The following CELF2 variants were observed in gnomAD, a reference collection of about 807,000 sequenced individuals.
CELF2 encodes the protein CUG triplet repeat RNA-binding protein 2.
Under a neutral mutation model 62.6 loss-of-function variants are expected in CELF2, and 8 were observed. The observed-to-expected ratio is 0.13, with a 90% CI of 0.07 to 0.23. The LOEUF is 0.23. Among genes scored for constraint, CELF2 ranks in the 10% least tolerant of loss-of-function variants. The pLI, the probability that CELF2 is intolerant of heterozygous loss-of-function variation, is 1.00. For missense variants in CELF2, 333 were observed against 671.0 expected, an observed-to-expected ratio of 0.50 and a Z score of 5.56; for synonymous variants, 258 against 250.0, an observed-to-expected ratio of 1.03 and a Z score of -0.30.
intron 2 of CELF2, among the ~76,000 whole-genome samples, chr10:10,986,062 G>C (rs530029906): frequency 6.6e-6 from 1 of 152,196 alleles, no homozygotes; most frequent in South Asian, 2.1e-4. Flanking sequence ...TTATCTATTT[G>C]TCTCCCAAGC....
intron 1 of CELF2, among the ~76,000 whole-genome samples, chr10:11,143,112 C>T (rs1222528279): frequency 1.3e-5 from 2 of 152,146 alleles, no homozygotes; most frequent in Non-Finnish European, 2.9e-5. Context: ...TCGCTCCCCT[C>T]GTGCTTCTTC....
At chr10:10,587,118 T>A in the CELF2 span, among the ~76,000 whole-genome samples, 1 of 152,144 alleles carries the variant, frequency 6.6e-6, no homozygotes. Flanking sequence ...AACCACTTTG[T>A]CATGCTACTA....
chr10:10,906,773 C>T (rs1367382286), intron 1 of CELF2, among the ~76,000 whole-genome samples: 14 of 120,574 alleles, frequency 1.2e-4, no homozygotes, highest in Admixed American at 2.5e-4. Context: ...GGCTGTAGTG[C>T]GGGGGCGCAA....
the CELF2 span, among the ~76,000 whole-genome samples, chr10:10,742,366 T>G: frequency 6.6e-6 from 1 of 152,180 alleles, no homozygotes; most frequent in Non-Finnish European, 1.5e-5. Flanking sequence ...CTGTGGTTCA[T>G]GCCTATTATC....
chr10:11,291,049 C>T (rs1051577584), intron 9 of CELF2, among the ~76,000 whole-genome samples: 4 of 152,142 alleles, frequency 2.6e-5, no homozygotes, highest in African/African-American at 9.7e-5. Context: ...GGGTTGAAAG[C>T]CATTCCCAAG....
the CELF2 span, among the ~76,000 whole-genome samples, chr10:10,695,253 C>A: frequency 6.9e-6 from 1 of 145,320 alleles, no homozygotes; most frequent in Non-Finnish European, 1.5e-5. Flanking sequence ...TTTTATTTCT[C>A]CTTCGCTTAT....
At chr10:10,683,115 G>A in the CELF2 span, among the ~76,000 whole-genome samples, 1 of 152,062 alleles carries the variant, frequency 6.6e-6, no homozygotes, top group Non-Finnish European at 1.5e-5. Context: ...AATTTAACAC[G>A]GGACATTTTC....
At chr10:11,235,691 A>G (rs542154932) in intron 3 of CELF2, among the ~76,000 whole-genome samples, 10 of 152,336 alleles carry the variant, frequency 6.6e-5, no homozygotes, top group African/African-American at 2.2e-4. Flanking sequence ...GCTGAAAACA[A>G]TATCTGATGT....
chr10:11,007,862 A>G (rs1251194382), intron 1 of CELF2, among the ~76,000 whole-genome samples: 1 of 152,132 alleles, frequency 6.6e-6, no homozygotes, highest in Non-Finnish European at 1.5e-5. Context: ...ATTTTTGACT[A>G]AATTAGCAGT....
the CELF2 span, among the ~76,000 whole-genome samples, chr10:10,713,196 GC>G: frequency 6.6e-6 from 1 of 152,196 alleles, no homozygotes; most frequent in Non-Finnish European, 1.5e-5. Flanking sequence ...ACCTGCTAGA[GC>G]AGCCCCACCT....
chr10:10,550,332 G>T, the CELF2 span, among the ~76,000 whole-genome samples: 20 of 152,250 alleles, frequency 1.3e-4, no homozygotes, highest in East Asian at 3.9e-3. Context: ...GGAAGAGATA[G>T]GTTGGCCTGC....
intron 1 of CELF2, among the ~76,000 whole-genome samples, chr10:10,812,448 G>A (rs559704255): frequency 1.5e-3 from 224 of 152,198 alleles, no homozygotes; most frequent in Non-Finnish European, 2.7e-3. Context: ...CACCACTCTC[G>A]ACTTTAGTGC....
the CELF2 span, among the ~76,000 whole-genome samples, chr10:10,590,383 C>G: frequency 6.6e-6 from 1 of 152,026 alleles, no homozygotes; most frequent in South Asian, 2.1e-4. Context: ...TAAAATGCAC[C>G]CTGAAGCCAG....
chr10:10,499,304 G>A, the CELF2 span, among the ~76,000 whole-genome samples: 4 of 152,012 alleles, frequency 2.6e-5, no homozygotes, highest in Admixed American at 6.5e-5. Context: ...GGCTTCAAGC[G>A]ATTCTCCTGT....
chr10:10,624,718 C>T, the CELF2 span, among the ~76,000 whole-genome samples: 1 of 152,184 alleles, frequency 6.6e-6, no homozygotes. Flanking sequence ...CTATAAATAG[C>T]ACACTCTATT....
intron 2 of CELF2, chr10:10,929,745 C>T (rs971092297): frequency 6.6e-6 from 1 of 152,146 alleles, no homozygotes; most frequent in Non-Finnish European, 1.5e-5. Flanking sequence ...TGCTCTTTAT[C>T]TTATTATAAG....
chr10:10,571,800 A>C, the CELF2 span, among the ~76,000 whole-genome samples: 1 of 152,208 alleles, frequency 6.6e-6, no homozygotes, highest in Non-Finnish European at 1.5e-5. Flanking sequence ...GAGTGTAAAA[A>C]TTTAGAAGTG....
rs1334694271 is a variant in CELF2, at chr10:11,237,172, T to C, written c.355-11981T>C. ...CTCACTAGGGCTGTAGCCGTGGAAA[T>C]AGAAAAGTCTATGAGAAGGAAAAGA... is the stretch of plus-strand genomic sequence containing the variant. On this transcript the variant is annotated intron_variant, in intron 3 of 12. Coordinates refer to ENST00000633077, the MANE Select transcript of CELF2 (RefSeq NM_001326342.2). The surrounding 1 kb of genome is among the most constrained non-coding windows in gnomAD (Gnocchi z 4.0). Among the ~76,000 whole-genome samples, 1 of 151,886 alleles carries C rather than the reference T, an allele frequency of 6.6e-6. No individual in the cohort carries two copies. Among genetic ancestry groups the C allele is most frequent in the Non-Finnish European group, 1.5e-5 (1 of 67,972 alleles).
intron 1 of CELF2, among the ~76,000 whole-genome samples, chr10:11,101,550 C>T (rs2051644566): frequency 6.6e-6 from 1 of 152,160 alleles, no homozygotes; most frequent in Admixed American, 6.5e-5. Flanking sequence ...AATTGACAAC[C>T]TGGGTAGTAT....
Sources: allele counts gnomAD v4.1 joint callset (sites outside exome capture counted in the v4.1 genomes callset), GRCh38; gene constraint gnomAD v4.1.1; non-coding constraint Gnocchi (gnomAD v3.1); transcripts MANE v1.5; gene names NCBI Gene and HGNC (gene_info 2026-07-23, HGNC 2026-07-21).